KANSL1: variants seen among roughly 807,000 people sequenced by gnomAD.
The protein encoded by KANSL1 is KAT8 regulatory NSL complex subunit 1.
In KANSL1, 22 loss-of-function variants were observed where a neutral mutation model predicts 103.6. The ratio of observed to expected loss-of-function variants is 0.21; its 90% confidence interval spans 0.15 to 0.30. The LOEUF is 0.30. KANSL1 is among the 10% of genes least tolerant of loss of function. The pLI, the probability that KANSL1 is intolerant of heterozygous loss-of-function variation, is 1.00. For missense variants in KANSL1, 1,337 were observed against 1,399.8 expected, an observed-to-expected ratio of 0.96 and a Z score of 0.72; for synonymous variants, 600 against 527.6, an observed-to-expected ratio of 1.14 and a Z score of -1.88.
intron 7 of KANSL1, among the ~76,000 whole-genome samples, chr17:46,047,292 T>C (rs981482061): frequency 6.6e-6 from 1 of 152,260 alleles, no homozygotes; most frequent in African/African-American, 2.4e-5. Flanking sequence ...AACTGTCAAT[T>C]AGAAGGATTC....
At chr17:46,058,835 T>C (rs1029681956) in intron 6 of KANSL1, among the ~76,000 whole-genome samples, 2 of 149,884 alleles carry the variant, frequency 1.3e-5, no homozygotes, top group African/African-American at 5.0e-5. Context: ...TATTGAAAGC[T>C]AAGATTCCAG....
At chr17:46,162,999 C>A (rs912999391) in intron 2 of KANSL1, among the ~76,000 whole-genome samples, 1 of 152,348 alleles carries the variant, frequency 6.6e-6, no homozygotes, top group African/African-American at 2.4e-5. Flanking sequence ...GCTTACATGT[C>A]ACTTCCTTCA....
At chr17:46,212,905 T>G (rs1291676175) in intron 1 of KANSL1, among the ~76,000 whole-genome samples, 1 of 152,278 alleles carries the variant, frequency 6.6e-6, no homozygotes, top group African/African-American at 2.4e-5. Context: ...TTAATCTGCA[T>G]TCCTTTGATT....
chr17:46,055,770 G>C (rs2077903065), intron 6 of KANSL1, among the ~76,000 whole-genome samples: 1 of 152,010 alleles, frequency 6.6e-6, no homozygotes, highest in Admixed American at 6.6e-5. Flanking sequence ...AAAATAATCT[G>C]CCCTCGGTTA....
At chr17:46,041,218 G>A (rs1479254456) in intron 7 of KANSL1, 3 of 152,134 alleles carry the variant, frequency 2.0e-5, no homozygotes, top group Non-Finnish European at 4.4e-5. Context: ...ATTTTCTATA[G>A]ACATAAGTAC....
chr17:46,114,168 G>A (rs2042942684), intron 2 of KANSL1, among the ~76,000 whole-genome samples: 1 of 152,174 alleles, frequency 6.6e-6, no homozygotes, highest in Non-Finnish European at 1.5e-5. Flanking sequence ...AGACCAGCGT[G>A]GCCAATACGG....
intron 12 of KANSL1, 81 bp downstream of exon 12, chr17:46,033,322 G>C: frequency 6.8e-7 from 1 of 1,480,278 alleles, no homozygotes; most frequent in South Asian, 1.2e-5. Flanking sequence ...CAAGTCTTCA[G>C]GCCATTTAGG....
At chr17:46,216,935 A>G (rs1410940211) in intron 1 of KANSL1, among the ~76,000 whole-genome samples, 5 of 151,912 alleles carry the variant, frequency 3.3e-5, no homozygotes, top group Non-Finnish European at 7.4e-5. Context: ...GCAAGACCCC[A>G]TCTCTACTAA....
intron 6 of KANSL1, among the ~76,000 whole-genome samples, chr17:46,055,128 C>A (rs1333889870): frequency 1.3e-5 from 2 of 151,556 alleles, no homozygotes; most frequent in African/African-American, 4.8e-5. Context: ...GGATTACAGA[C>A]GTGAGCCACC....
chr17:46,101,351 T>A (rs1264923641), intron 2 of KANSL1, among the ~76,000 whole-genome samples: 1 of 152,236 alleles, frequency 6.6e-6, no homozygotes, highest in African/African-American at 2.4e-5. Context: ...CCTAAACATA[T>A]AAATTGACCT....
Position 46,145,435 on chromosome 17 carries a change from C to T in KANSL1, c.1289+25420G>A, listed in dbSNP as rs150515381. Among the ~76,000 whole-genome samples the T allele has an allele frequency of 1.8e-3, 272 of 152,292 alleles. 1 individual carries two copies. Among genetic ancestry groups the T allele is most frequent in the Admixed American group, 0.013 (202 of 15,304 alleles). ...AATAGCTGGAGATAATTCTAAATTC[C>T]CCAAACCTTAATCAAGAATTTTGGA... On this transcript the variant is annotated intron_variant, in intron 2 of 14. Coordinates refer to ENST00000432791, the MANE Select transcript of KANSL1 (RefSeq NM_015443.4).
intron 4 of KANSL1, among the ~76,000 whole-genome samples, chr17:46,076,064 T>C (rs2078756228): frequency 6.6e-6 from 1 of 152,228 alleles, no homozygotes; most frequent in African/African-American, 2.4e-5. Flanking sequence ...GACAATTAGC[T>C]TTTACTAACT....
chr17:46,092,812 T>A (rs1184713853), intron 3 of KANSL1: 2 of 150,478 alleles, frequency 1.3e-5, no homozygotes, highest in African/African-American at 4.9e-5. Context: ...TAAGAGGTAC[T>A]CTCCCCACAT....
At chr17:46,117,858 T>A (rs2043111497) in intron 2 of KANSL1, among the ~76,000 whole-genome samples, 1 of 151,966 alleles carries the variant, frequency 6.6e-6, no homozygotes, top group Non-Finnish European at 1.5e-5. Context: ...AAGTGACAAA[T>A]AAATACAAAA....
At chr17:46,118,720 T>C (rs534250608) in intron 2 of KANSL1, among the ~76,000 whole-genome samples, 5 of 152,304 alleles carry the variant, frequency 3.3e-5, no homozygotes, top group Admixed American at 6.5e-5. Flanking sequence ...TTAAACAATA[T>C]TGGAGATTCC....
At chr17:46,165,801 A>T (rs1178417530) in intron 2 of KANSL1, among the ~76,000 whole-genome samples, 1 of 152,046 alleles carries the variant, frequency 6.6e-6, no homozygotes, top group Non-Finnish European at 1.5e-5. Context: ...ATGAGCCACC[A>T]AGCCAGACCA....
At chr17:46,180,357 G>A (rs1264887039) in intron 1 of KANSL1, among the ~76,000 whole-genome samples, 3 of 152,052 alleles carry the variant, frequency 2.0e-5, no homozygotes, top group Non-Finnish European at 2.9e-5. Flanking sequence ...AATCAGCTGG[G>A]TGTGGTGGCG....
intron 2 of KANSL1, among the ~76,000 whole-genome samples, chr17:46,168,343 TAAATAC>T (rs1169089602): frequency 1.3e-5 from 2 of 151,968 alleles, no homozygotes; most frequent in African/African-American, 4.9e-5. Flanking sequence ...GGTTTTAGTT[TAAATAC>T]AATTTTTTTT....
intron 1 of KANSL1, among the ~76,000 whole-genome samples, chr17:46,188,940 G>C (rs888998431): frequency 9.5e-5 from 14 of 147,004 alleles, no homozygotes; most frequent in African/African-American, 3.5e-4. Context: ...GGCTGAGGTA[G>C]GAGAATCGCT....
Sources: gnomAD v4.1 joint callset for allele counts (sites outside exome capture counted in the v4.1 genomes callset) on GRCh38, gnomAD v4.1.1 for gene constraint, MANE v1.5 for transcripts, NCBI Gene and HGNC (gene_info 2026-07-23, HGNC 2026-07-21) for gene names.